The following CLPB variants were observed in gnomAD, a reference collection of about 807,000 sequenced individuals.
CLPB encodes the protein mitochondrial disaggregase.
Under a neutral mutation model 78.4 loss-of-function variants are expected in CLPB, and 40 were observed. The observed-to-expected ratio is 0.51, with a 90% CI of 0.40 to 0.66. CLPB has a LOEUF of 0.66. CLPB is among the 30% of genes least tolerant of loss of function. CLPB has a pLI of 0.00. For missense variants in CLPB, 780 were observed against 886.9 expected (o/e 0.88, Z 1.53); for synonymous variants, 333 against 348.0 (o/e 0.96, Z 0.48).
chr11:72,422,049 C>T (rs926848760), intron 2 of CLPB, among the ~76,000 whole-genome samples: 8 of 150,888 alleles, frequency 5.3e-5, no homozygotes, highest in African/African-American at 1.5e-4. Flanking sequence ...GGGCGGATCA[C>T]GAGGTCAGGA....
chr11:72,296,121 G>A (rs1949547603), intron 11 of CLPB, among the ~76,000 whole-genome samples: 1 of 152,160 alleles, frequency 6.6e-6, no homozygotes, highest in Non-Finnish European at 1.5e-5. Context: ...GATAATAAAG[G>A]GAAGCCCAGC....
intron 7 of CLPB, 63 bp from the exon 8 acceptor site, chr11:72,308,667 G>A: frequency 7.1e-7 from 1 of 1,415,010 alleles, no homozygotes; most frequent in Non-Finnish European, 1.0e-6. Flanking sequence ...TGACACAAAA[G>A]GCAGGATAAT....
chr11:72,313,656 C>G (rs944585534), intron 7 of CLPB, among the ~76,000 whole-genome samples: 1 of 152,184 alleles, frequency 6.6e-6, no homozygotes, highest in African/African-American at 2.4e-5. Flanking sequence ...AGGAGGGCAA[C>G]CTGCAGAAGG....
intron 2 of CLPB, among the ~76,000 whole-genome samples, chr11:72,428,145 G>A (rs571810594): frequency 9.2e-5 from 14 of 152,276 alleles, no homozygotes; most frequent in Middle Eastern, 3.4e-3. Flanking sequence ...CATCTGCAGT[G>A]CCCAGCAGAG....
chr11:72,324,515 G>A (rs1024187566), intron 6 of CLPB, among the ~76,000 whole-genome samples: 1 of 152,066 alleles, frequency 6.6e-6, no homozygotes, highest in Non-Finnish European at 1.5e-5. Flanking sequence ...GCAGTGAGCT[G>A]AGACCGTGCC....
intron 5 of CLPB, among the ~76,000 whole-genome samples, chr11:72,346,029 T>A (rs967638973): frequency 6.6e-6 from 1 of 152,196 alleles, no homozygotes; most frequent in African/African-American, 2.4e-5. Flanking sequence ...AAGAAGGACA[T>A]ATTAATATGA....
intron 2 of CLPB, among the ~76,000 whole-genome samples, chr11:72,404,385 ATCTATAGTAAATG>A (rs2135087773): frequency 6.6e-6 from 1 of 152,338 alleles, no homozygotes; most frequent in South Asian, 2.1e-4. Flanking sequence ...TTGTGCCACG[ATCTATAGTAAATG>A]TCCCTACAGA....
intron 5 of CLPB, among the ~76,000 whole-genome samples, chr11:72,336,306 T>C (rs1950321042): frequency 1.3e-5 from 2 of 152,124 alleles, no homozygotes; most frequent in Admixed American, 6.5e-5. Flanking sequence ...ACATTGACAT[T>C]CATGCCCCTC....
intron 8 of CLPB, among the ~76,000 whole-genome samples, 183 bp downstream of exon 8, chr11:72,308,344 T>C (rs1181539581): frequency 6.6e-6 from 1 of 152,136 alleles, no homozygotes; most frequent in East Asian, 1.9e-4. Context: ...CTTCATAACA[T>C]GACAGATGGT....
At position 72,434,091 on chromosome 11, in the gene CLPB, G is replaced by T. The variant is rs745934487; in HGVS notation, c.384C>A (p.Ser128Arg). The change falls in exon 1 of 16, where the codon AGC becomes AGA. Residue 128 changes from serine (S) to arginine (R), a missense_variant. Around this residue, in one of 3 missense-constraint regions of CLPB, gnomAD observed 417 missense variants for 414.7 expected, o/e 1.01. Coordinates refer to ENST00000538039, the MANE Select transcript of CLPB (RefSeq NM_001258392.3). ...AATCACCCTTGTTGGACGGACTCTT[G>T]CTGTAGCAATGAACCACCAGCGCTG... Reference protein sequence around the residue: ...LAAALVVHCYSKSPSNKDAAL... With the variant: ...LAAALVVHCYRKSPSNKDAAL... 1.2e-6 allele frequency: 2 copies of T among 1,611,162 alleles called. No homozygotes were observed. Among genetic ancestry groups the T allele is most frequent in the Admixed American group, 3.3e-5 (2 of 60,010 alleles).
chr11:72,373,164 A>G, intron 4 of CLPB: 1 of 620,618 alleles, frequency 1.6e-6, no homozygotes, highest in Non-Finnish European at 2.9e-6. Flanking sequence ...TGCCCCACTC[A>G]TCTTTATTCA....
chr11:72,304,732 G>A (rs987734345), intron 9 of CLPB, among the ~76,000 whole-genome samples: 5 of 152,238 alleles, frequency 3.3e-5, no homozygotes, highest in African/African-American at 4.8e-5. Context: ...CTAGGGATCA[G>A]AGAGCCAGAA....
At chr11:72,346,730 C>G (rs1009080829) in intron 5 of CLPB, among the ~76,000 whole-genome samples, 3 of 151,834 alleles carry the variant, frequency 2.0e-5, no homozygotes, top group African/African-American at 7.3e-5. Context: ...GTAATCCCAG[C>G]ACTTTGGGAG....
chr11:72,360,170 CTGAGTT>C (rs912609630), intron 4 of CLPB, among the ~76,000 whole-genome samples: 18 of 152,284 alleles, frequency 1.2e-4, no homozygotes, highest in African/African-American at 4.3e-4. Flanking sequence ...CCCTCCTGAG[CTGAGTT>C]TGTAGGGGTA....
chr11:72,380,222 A>G lies in CLPB; in HGVS notation c.646+59T>C, dbSNP rs1403115018. 2.3e-6 allele frequency: 3 copies of G among 1,294,220 alleles called. No homozygotes were observed. In the Admixed American group the frequency reaches 5.1e-5, roughly 22 times the overall value. The allele number at this position is 1,294,220 out of a possible 1,614,324, so 80.2% of individuals were successfully genotyped here. A position where few individuals can be genotyped will look rare whatever the true frequency, so the allele number is the denominator to read the frequency against. The stretch of plus-strand genomic sequence containing the variant: ...CTGGTAGAGCTGACACCACAGAGCA[A>G]GGCTGCATGAAAGCCACAAGAGGAG... On this transcript the variant is annotated intron_variant, in intron 4 of 15. Transcript: ENST00000538039.
At chr11:72,310,301 T>C (rs1555088026) in intron 7 of CLPB, among the ~76,000 whole-genome samples, 2 of 152,136 alleles carry the variant, frequency 1.3e-5, no homozygotes, top group South Asian at 2.1e-4. Flanking sequence ...GCCCAGAAAA[T>C]GCTCCCTGAG....
chr11:72,329,648 GT>G (rs964464971), intron 6 of CLPB, 58 bp downstream of exon 6: 1 of 1,112,334 alleles, frequency 9.0e-7, no homozygotes, highest in African/African-American at 1.7e-5. Flanking sequence ...AATTTAATGA[GT>G]GAAGGATTAA....
At chr11:72,333,411 A>G (rs1950263311) in intron 5 of CLPB, among the ~76,000 whole-genome samples, 1 of 152,242 alleles carries the variant, frequency 6.6e-6, no homozygotes, top group Non-Finnish European at 1.5e-5. Flanking sequence ...AAGGATTGGC[A>G]GAGCCAATGA....
At chr11:72,405,841 T>G (rs1855692833) in intron 2 of CLPB, among the ~76,000 whole-genome samples, 1 of 151,616 alleles carries the variant, frequency 6.6e-6, no homozygotes, top group South Asian at 2.1e-4. Flanking sequence ...GGCAGGAGAA[T>G]GGTGTGAACC....
Sources: gnomAD v4.1 joint callset for allele counts (sites outside exome capture counted in the v4.1 genomes callset) on GRCh38, gnomAD v4.1.1 for gene constraint, gnomAD v4.1.1 regional missense constraint, MANE v1.5 for transcripts, NCBI Gene and HGNC (gene_info 2026-07-23, HGNC 2026-07-21) for gene names.